Variants in QKI observed in about 807,000 individuals in gnomAD.
The protein encoded by QKI is KH domain-containing RNA-binding protein QKI.
QKI carries 10 observed loss-of-function variants against 39.0 expected under a neutral mutation model. That is an observed-to-expected ratio of 0.26 (90% CI 0.16 to 0.43). The LOEUF (loss-of-function observed/expected upper bound fraction) is 0.43, where lower values mean the gene tolerates loss of function less well. Among genes scored for constraint, QKI ranks in the 20% least tolerant of loss-of-function variants. QKI has a pLI of 1.00. For missense variants in QKI, 218 were observed against 428.0 expected (o/e 0.51, Z 4.33); for synonymous variants, 204 against 155.4 (o/e 1.31, Z -2.33).
At chr6:163,509,968 C>G (rs1356964841) in intron 3 of QKI, among the ~76,000 whole-genome samples, 1 of 152,000 alleles carries the variant, frequency 6.6e-6, no homozygotes, top group Non-Finnish European at 1.5e-5. Context: ...AATCCTAGCA[C>G]TTTTGGAGGC....
At chr6:163,484,783 A>G (rs1793339773) in intron 3 of QKI, among the ~76,000 whole-genome samples, 1 of 152,180 alleles carries the variant, frequency 6.6e-6, no homozygotes. Context: ...TTCAAAGATT[A>G]CTATCTACAG....
chr6:163,561,941 C>T (rs1416385657), intron 4 of QKI, 41 bp from the exon 5 acceptor site: 1 of 1,448,888 alleles, frequency 6.9e-7, no homozygotes, highest in Non-Finnish European at 9.6e-7. Flanking sequence ...TATTTGTGGA[C>T]AGTCTCAAAT....
chr6:163,421,216 C>T (rs187919672), intron 1 of QKI, among the ~76,000 whole-genome samples: 16 of 152,278 alleles, frequency 1.1e-4, no homozygotes, highest in Admixed American at 9.2e-4. Context: ...AAAAACATGT[C>T]ATGTTATTTG....
chr6:163,536,950 T>C (rs974790012), intron 4 of QKI, among the ~76,000 whole-genome samples: 2 of 152,214 alleles, frequency 1.3e-5, no homozygotes, highest in Non-Finnish European at 2.9e-5. Context: ...GACTCATGCC[T>C]ATAATCCCAA....
At chr6:163,508,360 G>A (rs959492315) in intron 3 of QKI, among the ~76,000 whole-genome samples, 5 of 152,060 alleles carry the variant, frequency 3.3e-5, no homozygotes, top group African/African-American at 7.2e-5. Flanking sequence ...GTGAAAAGCC[G>A]AAGATTATAA....
chr6:163,427,235 A>G (rs1199769343), intron 1 of QKI, among the ~76,000 whole-genome samples: 8 of 117,700 alleles, frequency 6.8e-5, no homozygotes, highest in Admixed American at 6.3e-4. Flanking sequence ...TTAATTTTAT[A>G]CTCGTACCTT....
intron 3 of QKI, among the ~76,000 whole-genome samples, chr6:163,502,394 T>C (rs1327527147): frequency 2.6e-5 from 4 of 152,136 alleles, no homozygotes; most frequent in African/African-American, 9.7e-5. Context: ...TTAAATGTCA[T>C]TTAGAAGCCT....
At position 163,415,618 on chromosome 6, in the gene QKI, C is replaced by T. The variant is rs866533785; in HGVS notation, c.142+283C>T. On this transcript the variant is annotated intron_variant, in intron 1 of 7. Coordinates refer to ENST00000361752, the MANE Select transcript of QKI (RefSeq NM_006775.3). Reference sequence around the variant, plus strand: ...GCGGAGGGCTGCGGGGTGAGCCCTGCGGCCCCTCTAGCTTCGGCGGTCACA... The same window carrying T: ...GCGGAGGGCTGCGGGGTGAGCCCTGTGGCCCCTCTAGCTTCGGCGGTCACA... Among the ~76,000 whole-genome samples, 52 of 151,838 alleles carry T rather than the reference C, an allele frequency of 3.4e-4. 1 individual carries two copies. Among genetic ancestry groups the T allele is most frequent in the African/African-American group, 1.2e-3 (48 of 41,464 alleles).
At chr6:163,464,917 A>G (rs2128221616) in intron 2 of QKI, among the ~76,000 whole-genome samples, 1 of 152,314 alleles carries the variant, frequency 6.6e-6, no homozygotes, top group Non-Finnish European at 1.5e-5. Flanking sequence ...CTTGATGAAC[A>G]GTTGCAAAAA....
chr6:163,512,223 G>A (rs901774428), intron 3 of QKI, among the ~76,000 whole-genome samples: 1 of 151,924 alleles, frequency 6.6e-6, no homozygotes, highest in Non-Finnish European at 1.5e-5. Context: ...AAAAGACATA[G>A]TAATATACTC....
intron 2 of QKI, among the ~76,000 whole-genome samples, chr6:163,477,225 A>C (rs1021781511): frequency 6.6e-6 from 1 of 152,056 alleles, no homozygotes; most frequent in African/African-American, 2.4e-5. Flanking sequence ...CATGTTGGCC[A>C]GGCTCGTCTT....
At chr6:163,545,518 C>T (rs1781810902) in intron 4 of QKI, among the ~76,000 whole-genome samples, 1 of 152,066 alleles carries the variant, frequency 6.6e-6, no homozygotes, top group South Asian at 2.1e-4. Flanking sequence ...CGTAATGTTG[C>T]CTGGCAGTGA....
rs1783938929 is a variant in QKI, at chr6:163,575,626, A to G, written c.*4916A>G. Reference sequence around the variant, plus strand: ...CCAGTGCAGTAGCTCCAGGTGTAAGAGGTCACGAAGGCACCCTGCCCATAA... The same window carrying G: ...CCAGTGCAGTAGCTCCAGGTGTAAGGGGTCACGAAGGCACCCTGCCCATAA... On this transcript the variant is annotated 3_prime_UTR_variant, in exon 8 of 8. Coordinates refer to ENST00000361752, the MANE Select transcript of QKI (RefSeq NM_006775.3). The G allele has an allele frequency of 6.6e-6, 1 of 152,196 alleles. No homozygotes were observed. Among genetic ancestry groups the G allele is most frequent in the Admixed American group, 6.5e-5 (1 of 15,274 alleles). 9.4% of individuals were successfully genotyped at this position (152,196 alleles called of 1,614,324 possible).
chr6:163,441,296 A>G (rs1369285062), intron 1 of QKI, among the ~76,000 whole-genome samples: 1 of 152,212 alleles, frequency 6.6e-6, no homozygotes, highest in Non-Finnish European at 1.5e-5. Context: ...CCATTTGCAG[A>G]AGAGCACTGT....
chr6:163,484,575 A>G (rs560730522), intron 3 of QKI, among the ~76,000 whole-genome samples: 3 of 152,294 alleles, frequency 2.0e-5, no homozygotes, highest in African/African-American at 7.2e-5. Context: ...TAAAGTCACC[A>G]GTTGCATTAG....
intron 3 of QKI, among the ~76,000 whole-genome samples, chr6:163,513,873 A>G (rs1230345323): frequency 2.0e-5 from 3 of 152,072 alleles, no homozygotes; most frequent in South Asian, 2.1e-4. Flanking sequence ...GAGTGTTAGC[A>G]TACTTGCACT....
Position 163,571,538 on chromosome 6 carries a change from C to T in QKI, c.*828C>T, listed in dbSNP as rs1398898759. 1 of 151,618 alleles carries T rather than the reference C, an allele frequency of 6.6e-6. No individual in the cohort carries two copies. Among genetic ancestry groups the T allele is most frequent in the Non-Finnish European group, 1.5e-5 (1 of 67,920 alleles). 9.4% of individuals were successfully genotyped at this position (151,618 alleles called of 1,614,324 possible). On this transcript the variant is annotated 3_prime_UTR_variant, in exon 8 of 8. Coordinates refer to ENST00000361752, the MANE Select transcript of QKI (RefSeq NM_006775.3). ...TAAACCTCCCTGTATAGAAAAAAAT[C>T]ATTAAGGATGTAAAAGCCATGCTTG...
chr6:163,549,164 A>T (rs1339516262), intron 4 of QKI, among the ~76,000 whole-genome samples: 1 of 152,092 alleles, frequency 6.6e-6, no homozygotes, highest in Non-Finnish European at 1.5e-5. Flanking sequence ...CGAGCGAAGA[A>T]GATTTGACCA....
chr6:163,522,935 C>T (rs1393718685), intron 3 of QKI, among the ~76,000 whole-genome samples: 2 of 152,210 alleles, frequency 1.3e-5, no homozygotes, highest in Non-Finnish European at 2.9e-5. Context: ...AACCTACCAA[C>T]TACAAATGAT....
Sources: gnomAD v4.1 joint callset for allele counts (sites outside exome capture counted in the v4.1 genomes callset) on GRCh38, gnomAD v4.1.1 for gene constraint, MANE v1.5 for transcripts, NCBI Gene and HGNC (gene_info 2026-07-23, HGNC 2026-07-21) for gene names.